UNKL: variants seen among roughly 807,000 people sequenced by gnomAD.
The protein encoded by UNKL is unk like zinc finger.
Under a neutral mutation model 78.0 loss-of-function variants are expected in UNKL, and 60 were observed. That is an observed-to-expected ratio of 0.77 (90% confidence interval 0.63 to 0.95). UNKL has a LOEUF of 0.95. UNKL is among the 40% of genes least tolerant of loss of function. The pLI is 0.00. For missense variants in UNKL, 1,159 were observed against 1,045.7 expected, an observed-to-expected ratio of 1.11 and a Z score of -1.49; for synonymous variants, 608 against 474.8, an observed-to-expected ratio of 1.28 and a Z score of -3.65.
At chr16:1,406,356 G>A (rs945988845) in intron 2 of UNKL, among the ~76,000 whole-genome samples, 2 of 152,110 alleles carry the variant, frequency 1.3e-5, no homozygotes, top group Non-Finnish European at 2.9e-5. Context: ...GGGATTACAG[G>A]CACCTGCCAC....
chr16:1,390,717 A>G lies in UNKL; in HGVS notation c.1024-23T>C, dbSNP rs112122145. On this transcript the variant is annotated intron_variant, in intron 8 of 14. Transcript: ENST00000389221. ...GGCCTGCAACATAAAAAACAGTCAT[A>G]TGTGGAAAAAGCAGGGAGGAAATGT... The G allele has an allele frequency of 3.8e-4, 582 of 1,535,754 alleles. 4 individuals are homozygous for G. The African/African-American group carries it at 5.8e-3, about 15-fold the overall frequency.
rs546424561 is a variant in UNKL at position 1,365,407 on chromosome 16, G to A, written c.*833C>T. The A allele has an allele frequency of 3.3e-5, 5 of 152,394 alleles. No homozygotes were observed. In the South Asian group the frequency reaches 8.3e-4, roughly 25 times the overall value. 9.4% of individuals were successfully genotyped at this position (152,394 alleles called of 1,614,324 possible). A position where few individuals can be genotyped will look rare whatever the true frequency, so the allele number is the denominator to read the frequency against. On this transcript the variant is annotated 3_prime_UTR_variant, in exon 15 of 15. Transcript: ENST00000389221. The stretch of plus-strand genomic sequence containing the variant: ...TAAGGGAGAAAACAAAACCCATGAT[G>A]CTCCTTCACTTGCTCTCCGAGGCGC...
At chr16:1,411,081 T>C (rs2038018468) in intron 2 of UNKL, among the ~76,000 whole-genome samples, 1 of 152,158 alleles carries the variant, frequency 6.6e-6, no homozygotes, top group African/African-American at 2.4e-5. Flanking sequence ...AGGTGTGTGG[T>C]GGCTCACACC....
intron 2 of UNKL, chr16:1,408,956 G>C (rs1164900946): frequency 6.8e-6 from 1 of 147,124 alleles, no homozygotes; most frequent in African/African-American, 2.5e-5. Flanking sequence ...TTGCTCTGTC[G>C]CCAAGGCTGG....
Position 1,399,272 on chromosome 16 carries a change from G to A in UNKL, c.734+102C>T, listed in dbSNP as rs1438842978. The A allele has an allele frequency of 2.8e-6, 4 of 1,424,332 alleles. No homozygotes were observed. Among genetic ancestry groups the A allele is most frequent in the Non-Finnish European group, 3.7e-6 (4 of 1,089,164 alleles). 88.2% of individuals were successfully genotyped at this position (1,424,332 alleles called of 1,614,324 possible). A position where few individuals can be genotyped will look rare whatever the true frequency, so the allele number is the denominator to read the frequency against. ...CCTCCCGGGGATGATGGTGCCACAAGGGCAGCCCTCCCATTAGAACCCCGG... is the reference window on the plus strand; with the variant it reads ...CCTCCCGGGGATGATGGTGCCACAAAGGCAGCCCTCCCATTAGAACCCCGG... On this transcript the variant is annotated intron_variant, in intron 5 of 14. Transcript: ENST00000389221. This position sits in a 1 kb window ranked among gnomAD's most constrained non-coding sequence, Gnocchi z 5.8.
intron 5 of UNKL, chr16:1,398,679 G>GCACCC: frequency 7.4e-7 from 1 of 1,356,394 alleles, no homozygotes; most frequent in South Asian, 1.4e-5. Flanking sequence ...TGTGGGGTCT[G>GCACCC]CACCCCCCCA....
At chr16:1,385,137 G>A (rs945120656) in intron 10 of UNKL, 71 bp downstream of exon 10, 9 of 1,120,594 alleles carry the variant, frequency 8.0e-6, no homozygotes, top group East Asian at 3.3e-5. Context: ...AAATAGAAGC[G>A]CTGTCCCTGA....
chr16:1,400,680 T>G (rs2037486726), intron 4 of UNKL, among the ~76,000 whole-genome samples: 1 of 151,956 alleles, frequency 6.6e-6, no homozygotes, highest in African/African-American at 2.4e-5. Flanking sequence ...CATTTTATGT[T>G]GTGTGTATTT....
intron 9 of UNKL, among the ~76,000 whole-genome samples, chr16:1,385,930 A>G (rs542813084): frequency 3.9e-5 from 6 of 152,404 alleles, no homozygotes; most frequent in African/African-American, 1.4e-4. Context: ...AAAGTAAAAC[A>G]CAGGGCAATT....
chr16:1,398,679 G>GCCCCCCCCCC, intron 5 of UNKL: 2 of 1,356,368 alleles, frequency 1.5e-6, no homozygotes, highest in South Asian at 1.4e-5. Context: ...TGTGGGGTCT[G>GCCCCCCCCCC]CACCCCCCCA....
chr16:1,390,433 C>CAT (rs1204426907), intron 9 of UNKL, among the ~76,000 whole-genome samples, 199 bp downstream of exon 9: 2 of 152,220 alleles, frequency 1.3e-5, no homozygotes, highest in Non-Finnish European at 2.9e-5. Context: ...TTCAAACAGA[C>CAT]AAACACGGGG....
chr16:1,367,607 C>T (rs756765812), intron 13 of UNKL, 49 bp downstream of exon 13: 8 of 1,354,188 alleles, frequency 5.9e-6, no homozygotes, highest in Non-Finnish European at 8.0e-6. Flanking sequence ...ACCTGAGTCC[C>T]CTGCGGCCCT....
chr16:1,393,111 A>G lies in UNKL; in HGVS notation c.938-135T>C, dbSNP rs906028100. On this transcript the variant is annotated intron_variant, in intron 7 of 14. Coordinates refer to ENST00000389221, the MANE Select transcript of UNKL (RefSeq NM_001372107.1). The stretch of plus-strand genomic sequence containing the variant: ...TCATCCCTCAGGGGTGCGGCAGAGG[A>G]CGGCTGGGCAGTGGTGGGGACACTC... 4.4e-6 allele frequency: 4 copies of G among 917,488 alleles called. No individual in the cohort carries two copies. The African/African-American group carries it at 4.9e-5, about 11-fold the overall frequency. The allele number at this position is 917,488 out of a possible 1,614,324, so 56.8% of individuals were successfully genotyped here.
intron 9 of UNKL, 136 bp from the exon 10 acceptor site, chr16:1,385,521 G>T: frequency 1.2e-6 from 1 of 865,702 alleles, no homozygotes; most frequent in Admixed American, 4.3e-5. Flanking sequence ...GAGCTTCCCA[G>T]ACCCGGAGGG....
intron 5 of UNKL, chr16:1,398,680 C>T (rs1052356700): frequency 3.4e-5 from 42 of 1,234,524 alleles, no homozygotes; most frequent in Non-Finnish European, 4.2e-5. Context: ...GTGGGGTCTG[C>T]ACCCCCCCAC....
chr16:1,390,692 G>A lies in UNKL; in HGVS notation c.1026C>T (p.Ala342=). Residue 342 remains alanine (A), a splice_region_variant and synonymous_variant, in exon 9 of 15, where the codon GCC becomes GCT. Coordinates refer to ENST00000389221, the MANE Select transcript of UNKL (RefSeq NM_001372107.1). ...CCTCGGCCGGCGAGTCTCTCCGCTT[G>A]GCCTGCAACATAAAAAACAGTCATA... ...SSTGSGQPGN[A]KRRDSPAEGG... 1 of 1,535,970 alleles carries A rather than the reference G, an allele frequency of 6.5e-7. No individual in the cohort carries two copies. Among genetic ancestry groups the A allele is most frequent in the South Asian group, 1.2e-5 (1 of 84,056 alleles).
chr16:1,414,162 C>G (rs2038174137), intron 1 of UNKL, 107 bp from the exon 2 acceptor site: 8 of 1,139,840 alleles, frequency 7.0e-6, no homozygotes, highest in Admixed American at 2.8e-5. Context: ...CCAGGGTCGA[C>G]CCGTACTCAC....
intron 9 of UNKL, among the ~76,000 whole-genome samples, chr16:1,389,055 CCCCCGG>C (rs887992266): frequency 9.9e-5 from 15 of 151,144 alleles, no homozygotes; most frequent in Middle Eastern, 3.4e-3. Flanking sequence ...CTTGCCCCCT[CCCCCGG>C]CCCCGGCCCC....
chr16:1,370,007 G>A, intron 12 of UNKL, 123 bp downstream of exon 12: 3 of 1,551,230 alleles, frequency 1.9e-6, no homozygotes, highest in Non-Finnish European at 2.6e-6. Context: ...AGCAGGTCAT[G>A]TGGTTTGCCA....
Sources: allele counts gnomAD v4.1 joint callset (sites outside exome capture counted in the v4.1 genomes callset), GRCh38; gene constraint gnomAD v4.1.1; non-coding constraint Gnocchi (gnomAD v3.1); transcripts MANE v1.5; gene names NCBI Gene and HGNC (gene_info 2026-07-23, HGNC 2026-07-21).